The following HDLBP variants were observed in gnomAD, a reference collection of about 807,000 sequenced individuals.
HDLBP encodes the protein high density lipoprotein binding protein.
Under a neutral mutation model 137.3 loss-of-function variants are expected in HDLBP, and 30 were observed. The ratio of observed to expected loss-of-function variants is 0.22; its 90% CI spans 0.16 to 0.30. The LOEUF is 0.30. Among genes scored for constraint, HDLBP ranks in the 10% least tolerant of loss-of-function variants. The pLI is 1.00. For missense variants in HDLBP, 1,119 were observed against 1,667.3 expected, an observed-to-expected ratio of 0.67 and a Z score of 5.73; for synonymous variants, 606 against 596.0, an observed-to-expected ratio of 1.02 and a Z score of -0.24.
At chr2:241,304,814 G>A (rs765792880) in intron 1 of HDLBP, among the ~76,000 whole-genome samples, 19 of 152,144 alleles carry the variant, frequency 1.2e-4, no homozygotes, top group Admixed American at 6.5e-5. Context: ...ACACTCAAAC[G>A]CTGGGTAAAT....
chr2:241,264,580 C>T lies in HDLBP; in HGVS notation c.102G>A (p.Glu34=). ...IKVATLNSEE[E]SDPPTYKDAF... ...CATCCTTGTAGGTTGGAGGGTCGCT[C>T]TCCTCTTCTGAATTTAGAGTGGCAA... is the stretch of plus-strand genomic sequence containing the variant. Residue 34 remains glutamate, a synonymous_variant, in exon 4 of 28, where the codon GAG becomes GAA. Transcript: ENST00000310931. 1.9e-6 allele frequency: 3 copies of T among 1,613,840 alleles called. No individual in the cohort carries two copies. Among genetic ancestry groups the T allele is most frequent in the Non-Finnish European group, 2.5e-6 (3 of 1,179,950 alleles).
At chr2:241,267,681 G>A (rs545527961) in intron 2 of HDLBP, 6 of 1,535,470 alleles carry the variant, frequency 3.9e-6, no homozygotes, top group South Asian at 1.2e-5. Flanking sequence ...TCCAAATCTC[G>A]ACTTAACCAG....
intron 23 of HDLBP, among the ~76,000 whole-genome samples, chr2:241,234,671 A>G (rs577694517): frequency 1.1e-4 from 17 of 152,304 alleles, no homozygotes; most frequent in Middle Eastern, 3.4e-3. Context: ...CGCTCATACA[A>G]TCCTTCAAAC....
In HDLBP at chr2:241,230,142, C is replaced by A; in HGVS notation, c.3591+11G>T. 8 of 1,607,056 alleles carry A rather than the reference C, an allele frequency of 5.0e-6. No homozygotes were observed. Among genetic ancestry groups the A allele is most frequent in the Non-Finnish European group, 6.8e-6 (8 of 1,173,704 alleles). On this transcript the variant is annotated intron_variant, in intron 26 of 27. Coordinates refer to ENST00000310931, the MANE Select transcript of HDLBP (RefSeq NM_005336.6). The surrounding 1 kb of genome is among the most constrained non-coding windows in gnomAD (Gnocchi z 5.0). Reference sequence around the variant, plus strand: ...GGGCGCCTCAGGGCTCCAAGGCCCACAGAGACTCACGTATTCCTCCTCCAG... The same window carrying A: ...GGGCGCCTCAGGGCTCCAAGGCCCAAAGAGACTCACGTATTCCTCCTCCAG...
intron 1 of HDLBP, among the ~76,000 whole-genome samples, chr2:241,301,190 T>C (rs1026735330): frequency 4.0e-5 from 6 of 150,618 alleles, no homozygotes; most frequent in Non-Finnish European, 8.9e-5. Flanking sequence ...GGCTTCATCG[T>C]GTTAGCCAGG....
Position 241,230,356 on chromosome 2 carries a change from C to T in HDLBP, c.3475-87G>A. ...GTGTCAATTTCTAGTGAAGCATTTTCTGAGTTAGCAAACGTTTTAAAATCT... is the reference window on the plus strand; with the variant it reads ...GTGTCAATTTCTAGTGAAGCATTTTTTGAGTTAGCAAACGTTTTAAAATCT... On this transcript the variant is annotated intron_variant, in intron 25 of 27. Transcript: ENST00000310931. The surrounding 1 kb of genome is among the most constrained non-coding windows in gnomAD (Gnocchi z 5.0). The T allele has an allele frequency of 1.2e-6, 1 of 858,908 alleles. No individual in the cohort carries two copies. The highest frequency in any genetic ancestry group is 1.9e-6 in the Non-Finnish European group (1 of 537,880). The allele number at this position is 858,908 out of a possible 1,614,324, so 53.2% of individuals were successfully genotyped here.
chr2:241,266,939 G>A (rs772068766), intron 2 of HDLBP, 33 bp from the exon 3 acceptor site: 1 of 1,447,984 alleles, frequency 6.9e-7, no homozygotes. Context: ...AGAAGTCAAA[G>A]TACAACCCTC....
At chr2:241,312,055 C>G (rs1002329839) in intron 1 of HDLBP, among the ~76,000 whole-genome samples, 18 of 152,158 alleles carry the variant, frequency 1.2e-4, no homozygotes, top group Non-Finnish European at 2.6e-4. Flanking sequence ...GGGGAGGAAA[C>G]ATGATTAGGG....
Position 241,246,851 on chromosome 2 carries a change from A to G in HDLBP, c.1851T>C (p.Leu617=), listed in dbSNP as rs749468200. The change falls in exon 16 of 28, where the codon CTT becomes CTC. Residue 617 remains leucine (L), a synonymous_variant. Transcript: ENST00000310931. ...TCTCTGAATTGCTATTCTCTGCTGG[A>G]AGGTCGATTTTGGTGTTGCTTTCTT... ...IREESNTKID[L]PAENSNSETI... The G allele has an allele frequency of 1.4e-5, 23 of 1,614,008 alleles. No homozygotes were observed. The highest frequency in any genetic ancestry group is 1.9e-5 in the Non-Finnish European group (22 of 1,179,994).
At chr2:241,266,546 A>G (rs2073687182) in intron 3 of HDLBP, 1 of 479,704 alleles carries the variant, frequency 2.1e-6, no homozygotes, top group Admixed American at 3.9e-5. Flanking sequence ...CCAATGGTCA[A>G]ATTCGCTGGC....
intron 1 of HDLBP, among the ~76,000 whole-genome samples, chr2:241,291,774 A>G (rs2075020046): frequency 6.6e-6 from 1 of 152,220 alleles, no homozygotes; most frequent in Non-Finnish European, 1.5e-5. Context: ...ATGGGAGATC[A>G]TTTTGGATTA....
At chr2:241,303,170 C>A (rs1246054080) in intron 1 of HDLBP, among the ~76,000 whole-genome samples, 3 of 152,196 alleles carry the variant, frequency 2.0e-5, no homozygotes, top group African/African-American at 4.8e-5. Flanking sequence ...TTTGGTCCAG[C>A]CAGCCAAACG....
At chr2:241,281,279 G>A (rs901018032) in intron 1 of HDLBP, among the ~76,000 whole-genome samples, 13 of 150,224 alleles carry the variant, frequency 8.7e-5, no homozygotes, top group Non-Finnish European at 1.8e-4. Context: ...GCTTGAACCC[G>A]GGAGGCAGAG....
At chr2:241,271,302 A>T (rs2074018452) in intron 1 of HDLBP, among the ~76,000 whole-genome samples, 1 of 152,218 alleles carries the variant, frequency 6.6e-6, no homozygotes, top group Non-Finnish European at 1.5e-5. Flanking sequence ...TGTTTCCCAG[A>T]GTGCAAACAT....
intron 1 of HDLBP, among the ~76,000 whole-genome samples, chr2:241,290,644 T>C (rs957907919): frequency 5.9e-5 from 9 of 151,738 alleles, no homozygotes; most frequent in African/African-American, 2.2e-4. Context: ...CTCTAAACTC[T>C]AAAAATAAAA....
At chr2:241,290,333 G>T (rs747878402) in intron 1 of HDLBP, among the ~76,000 whole-genome samples, 1 of 152,126 alleles carries the variant, frequency 6.6e-6, no homozygotes, top group African/African-American at 2.4e-5. Context: ...AGAAGAGGCC[G>T]GGTACAGTGG....
chr2:241,310,960 T>C (rs2075740557), intron 1 of HDLBP, among the ~76,000 whole-genome samples: 1 of 151,888 alleles, frequency 6.6e-6, no homozygotes. Context: ...AAAAAGTTTT[T>C]AAAATTATCC....
At chr2:241,308,227 G>A (rs1244971325) in intron 1 of HDLBP, among the ~76,000 whole-genome samples, 1 of 152,170 alleles carries the variant, frequency 6.6e-6, no homozygotes, top group Non-Finnish European at 1.5e-5. Flanking sequence ...TTTCTGTACT[G>A]TGAAGATCAA....
intron 1 of HDLBP, among the ~76,000 whole-genome samples, chr2:241,288,523 G>C (rs1045461173): frequency 6.6e-6 from 1 of 152,196 alleles, no homozygotes; most frequent in Admixed American, 6.5e-5. Flanking sequence ...CCACTGTGAA[G>C]TGTACTCTCC....
Sources: gnomAD v4.1 joint callset for allele counts (sites outside exome capture counted in the v4.1 genomes callset) on GRCh38, gnomAD v4.1.1 for gene constraint, Gnocchi (gnomAD v3.1) non-coding constraint, MANE v1.5 for transcripts, NCBI Gene and HGNC (gene_info 2026-07-23, HGNC 2026-07-21) for gene names.